Variants in SPATA22 observed in about 807,000 individuals in gnomAD.
SPATA22 encodes spermatogenesis associated 22, also known as spermatogenesis-associated protein 22.
In SPATA22, 29 loss-of-function variants were observed where a neutral mutation model predicts 47.8. The ratio of observed to expected loss-of-function variants is 0.61; its 90% CI spans 0.45 to 0.83. The LOEUF (loss-of-function observed/expected upper bound fraction) is 0.83, where lower values mean the gene tolerates loss of function less well. SPATA22 is among the 40% of genes least tolerant of loss of function. The pLI, the probability that SPATA22 is intolerant of heterozygous loss-of-function variation, is 0.00. For synonymous variants in SPATA22, 133 were observed against 140.9 expected, an observed-to-expected ratio of 0.94 and a Z score of 0.40; for missense variants, 410 against 421.7, an observed-to-expected ratio of 0.97 and a Z score of 0.24.
At chr17:3,487,585 C>A (rs2073747684) in intron 1 of SPATA22, among the ~76,000 whole-genome samples, 2 of 152,150 alleles carry the variant, frequency 1.3e-5, no homozygotes, top group Non-Finnish European at 2.9e-5. Flanking sequence ...TCTCTTATTG[C>A]TAAGCCTTTG....
chr17:3,452,585 G>A (rs193237252), intron 5 of SPATA22, among the ~76,000 whole-genome samples: 326 of 151,310 alleles, frequency 2.2e-3, no homozygotes, highest in Admixed American at 2.8e-3. Context: ...GTGAGACTCC[G>A]TCTCAAAAAG....
chr17:3,443,383 A>C (rs2072640286), intron 7 of SPATA22, 112 bp from the exon 8 acceptor site: 1 of 642,948 alleles, frequency 1.6e-6, no homozygotes, highest in Non-Finnish European at 2.6e-6. Context: ...TCATAGTGCT[A>C]TTTATATAGC....
At chr17:3,452,250 T>A in intron 5 of SPATA22, among the ~76,000 whole-genome samples, 1 of 139,252 alleles carries the variant, frequency 7.2e-6, no homozygotes, top group Non-Finnish European at 1.6e-5. Flanking sequence ...ATAAAGGCAA[T>A]AATAAGACTA....
At chr17:3,503,489 T>C (rs1030611151) in intron 1 of SPATA22, 2 of 152,220 alleles carry the variant, frequency 1.3e-5, no homozygotes, top group Non-Finnish European at 2.9e-5. Flanking sequence ...TTCCGTTGTG[T>C]CCTATTTCTG....
chr17:3,449,151 TG>T lies in SPATA22; in HGVS notation c.330-3del. The stretch of plus-strand genomic sequence containing the variant: ...GTATTTTTGTTACCATCTCTGTAGC[TG>T]TAATAGTGCAAAAAAAAAGCATTTG... On this transcript the variant is annotated splice_region_variant and splice_polypyrimidine_tract_variant and intron_variant, in intron 5 of 8. Transcript: ENST00000572969. 6.5e-7 allele frequency: 1 copy of T among 1,542,184 alleles called. No individual in the cohort carries two copies. The highest frequency in any genetic ancestry group is 1.2e-5 in the South Asian group (1 of 81,910).
chr17:3,469,030 C>G (rs983894026), intron 2 of SPATA22: 14 of 343,128 alleles, frequency 4.1e-5, no homozygotes, highest in African/African-American at 2.5e-4. Context: ...AGTTTTAAAG[C>G]ATAGAATAAC....
At chr17:3,495,092 G>GA (rs3215041) in intron 1 of SPATA22, among the ~76,000 whole-genome samples, 88 of 145,888 alleles carry the variant, frequency 6.0e-4, no homozygotes, top group Admixed American at 3.3e-3. Flanking sequence ...AGTGAAGAAG[G>GA]AAAAAAAAAA....
At chr17:3,478,355 GA>G (rs558859598) in intron 1 of SPATA22, among the ~76,000 whole-genome samples, 149 of 152,214 alleles carry the variant, frequency 9.8e-4, no homozygotes, top group Admixed American at 9.8e-4. Context: ...TCACTTTATG[GA>G]ATAGATGTTT....
intron 3 of SPATA22, 30 bp downstream of exon 3, chr17:3,467,396 T>A: frequency 6.5e-7 from 1 of 1,535,598 alleles, no homozygotes; most frequent in Non-Finnish European, 8.8e-7. Flanking sequence ...TTGTATTTCC[T>A]GAAAATTTTT....
At chr17:3,504,200 C>T (rs889625901) in intron 1 of SPATA22, among the ~76,000 whole-genome samples, 1 of 152,138 alleles carries the variant, frequency 6.6e-6, no homozygotes, top group African/African-American at 2.4e-5. Flanking sequence ...ACATGGTCTT[C>T]GTCGACCTGA....
At chr17:3,450,158 A>G (rs1360442497) in intron 5 of SPATA22, among the ~76,000 whole-genome samples, 2 of 152,106 alleles carry the variant, frequency 1.3e-5, no homozygotes, top group East Asian at 3.8e-4. Flanking sequence ...CAGCCCACAA[A>G]TTCTTAATTC....
intron 3 of SPATA22, among the ~76,000 whole-genome samples, chr17:3,465,015 G>A (rs2073255910): frequency 7.5e-6 from 1 of 133,840 alleles, no homozygotes; most frequent in Non-Finnish European, 1.7e-5. Context: ...CCGGGAGGGA[G>A]GTGGGGGGGT....
intron 3 of SPATA22, among the ~76,000 whole-genome samples, chr17:3,464,179 G>A (rs1482701748): frequency 2.6e-5 from 4 of 151,994 alleles, no homozygotes; most frequent in Non-Finnish European, 5.9e-5. Context: ...GACGGGTTTC[G>A]CTGTGTTGGC....
intron 1 of SPATA22, chr17:3,511,693 A>T (rs2074116062): frequency 6.6e-6 from 1 of 152,260 alleles, no homozygotes; most frequent in Admixed American, 6.5e-5. Context: ...GATGACAAAC[A>T]TCCCTATGGC....
intron 1 of SPATA22, among the ~76,000 whole-genome samples, chr17:3,477,751 G>A: frequency 6.6e-6 from 1 of 152,118 alleles, no homozygotes; most frequent in East Asian, 1.9e-4. Flanking sequence ...ACCGCGCTGG[G>A]CCGCTTTTTT....
chr17:3,489,473 C>T (rs2073785403), intron 1 of SPATA22: 1 of 716,292 alleles, frequency 1.4e-6, no homozygotes, highest in South Asian at 1.7e-5. Flanking sequence ...TTCAGCTATT[C>T]CCCAATGGCC....
At chr17:3,483,085 G>C (rs1206064453) in intron 1 of SPATA22, among the ~76,000 whole-genome samples, 2 of 151,738 alleles carry the variant, frequency 1.3e-5, no homozygotes, top group Non-Finnish European at 1.5e-5. Flanking sequence ...GGAGGAGGGG[G>C]AATCACCCAA....
At chr17:3,499,056 A>G (rs765819351) in intron 1 of SPATA22, 1 of 1,614,068 alleles carries the variant, frequency 6.2e-7, no homozygotes, top group East Asian at 2.2e-5. Context: ...ACTAACGCTC[A>G]ATGCAAAAAG....
chr17:3,443,133 GT>G (rs766898872), intron 8 of SPATA22, 40 bp downstream of exon 8: 89 of 1,356,176 alleles, frequency 6.6e-5, no homozygotes, highest in Non-Finnish European at 9.1e-5. Flanking sequence ...TTTATATTCT[GT>G]TGACATAGGC....
Sources: allele counts gnomAD v4.1 joint callset (sites outside exome capture counted in the v4.1 genomes callset), GRCh38; gene constraint gnomAD v4.1.1; transcripts MANE v1.5; gene names NCBI Gene and HGNC (gene_info 2026-07-23, HGNC 2026-07-21).